ZNF236: variants seen among roughly 807,000 people sequenced by gnomAD.
ZNF236 encodes the protein zinc finger protein 236.
In ZNF236, 50 loss-of-function variants were observed where a neutral mutation model predicts 191.2. That is an observed-to-expected ratio of 0.26 (90% CI 0.21 to 0.33). The LOEUF is 0.33. Among genes scored for constraint, ZNF236 ranks in the 10% least tolerant of loss-of-function variants. ZNF236 has a pLI of 1.00. For missense variants in ZNF236, 1,754 were observed against 2,374.5 expected, an observed-to-expected ratio of 0.74 and a Z score of 5.43; for synonymous variants, 907 against 928.8, an observed-to-expected ratio of 0.98 and a Z score of 0.43.
At chr18:76,943,644 T>G (rs1968192925) in intron 26 of ZNF236, among the ~76,000 whole-genome samples, 1 of 152,230 alleles carries the variant, frequency 6.6e-6, no homozygotes, top group South Asian at 2.1e-4. Context: ...AATTTGACTG[T>G]GGAGTGACCC....
chr18:76,956,836 G>A (rs1019125436), intron 28 of ZNF236, among the ~76,000 whole-genome samples: 3 of 152,206 alleles, frequency 2.0e-5, no homozygotes, highest in Non-Finnish European at 4.4e-5. Context: ...AGGGAATGGG[G>A]TGTGGAAGGG....
At chr18:76,912,550 C>T (rs1415704586) in intron 17 of ZNF236, among the ~76,000 whole-genome samples, 3 of 152,134 alleles carry the variant, frequency 2.0e-5, no homozygotes, top group Non-Finnish European at 2.9e-5. Context: ...GATAAGTGAG[C>T]GGGCCAGGAT....
chr18:76,930,696 T>C (rs958690568), intron 25 of ZNF236, among the ~76,000 whole-genome samples: 3 of 151,830 alleles, frequency 2.0e-5, no homozygotes, highest in Non-Finnish European at 2.9e-5. Flanking sequence ...GGAGGGGAGG[T>C]TCTGTTATCG....
Position 76,826,737 on chromosome 18 carries a change from TTGCAGTGA to T in ZNF236, c.55+4076_55+4083del, listed in dbSNP as rs572221429. Among the ~76,000 whole-genome samples, 25 of 147,276 alleles carry T rather than the reference TTGCAGTGA, an allele frequency of 1.7e-4. No homozygotes were observed. The South Asian group carries it at 5.4e-3, about 32-fold the overall frequency. On this transcript the variant is annotated intron_variant, in intron 1 of 30. Transcript: ENST00000320610. Reference sequence around the variant, plus strand: ...ATCGCTTGAGCCCAGGAGGTAGAGGTTGCAGTGAGCTGAGGTCGCGCCACTGCACTCCA... The same window carrying T: ...ATCGCTTGAGCCCAGGAGGTAGAGGTGCTGAGGTCGCGCCACTGCACTCCA...
At chr18:76,869,543 G>A (rs1976522218) in intron 4 of ZNF236, among the ~76,000 whole-genome samples, 1 of 152,090 alleles carries the variant, frequency 6.6e-6, no homozygotes, top group Non-Finnish European at 1.5e-5. Context: ...TATTTTTACT[G>A]ATGTTTCTGT....
intron 26 of ZNF236, among the ~76,000 whole-genome samples, chr18:76,939,441 C>G (rs182806190): frequency 6.8e-4 from 103 of 152,298 alleles, no homozygotes; most frequent in African/African-American, 2.4e-3. Flanking sequence ...CCAGCCAGGT[C>G]TCCTTTCCTA....
At chr18:76,887,828 A>C (rs1284567312) in intron 9 of ZNF236, 1 of 152,222 alleles carries the variant, frequency 6.6e-6, no homozygotes, top group East Asian at 1.9e-4. Context: ...ACCTCCCACC[A>C]GGTCCCTCCC....
intron 3 of ZNF236, among the ~76,000 whole-genome samples, chr18:76,854,930 A>T (rs1976000940): frequency 6.6e-6 from 1 of 152,088 alleles, no homozygotes; most frequent in South Asian, 2.1e-4. Flanking sequence ...TTATATTTTT[A>T]TTTATTTTTG....
At chr18:76,936,315 C>CG (rs1733863516) in intron 25 of ZNF236, 1 of 456,334 alleles carries the variant, frequency 2.2e-6, no homozygotes, top group African/African-American at 2.0e-5. Context: ...AGTGAGTGTG[C>CG]GTGTGTGTGC....
At chr18:76,841,701 T>C (rs149393207) in intron 1 of ZNF236, among the ~76,000 whole-genome samples, 1 of 150,896 alleles carries the variant, frequency 6.6e-6, no homozygotes, top group Non-Finnish European at 1.5e-5. Context: ...TTTCTTTTTT[T>C]TTTTTTTCTG....
At chr18:76,901,049 T>C (rs1045879075) in intron 11 of ZNF236, among the ~76,000 whole-genome samples, 1 of 152,224 alleles carries the variant, frequency 6.6e-6, no homozygotes, top group Non-Finnish European at 1.5e-5. Context: ...GGAGCTCAGA[T>C]GGTAAAGCTT....
intron 1 of ZNF236, among the ~76,000 whole-genome samples, chr18:76,826,482 CCATTT>C (rs1276082237): frequency 7.3e-5 from 11 of 151,696 alleles, no homozygotes; most frequent in African/African-American, 2.7e-4. Context: ...AACTGGATCT[CCATTT>C]GTGTCCAAAG....
chr18:76,951,497 A>G (rs1302223489), intron 27 of ZNF236, among the ~76,000 whole-genome samples: 2 of 152,148 alleles, frequency 1.3e-5, no homozygotes, highest in Non-Finnish European at 2.9e-5. Context: ...TTTCTTCTGC[A>G]GCTCCCTCAC....
At chr18:76,861,911 C>G (rs1976243462) in intron 3 of ZNF236, among the ~76,000 whole-genome samples, 1 of 152,184 alleles carries the variant, frequency 6.6e-6, no homozygotes, top group African/African-American at 2.4e-5. Flanking sequence ...GTCGCCCGGG[C>G]TGGAGTGCAG....
At chr18:76,890,556 A>G (rs1247228171) in intron 9 of ZNF236, among the ~76,000 whole-genome samples, 7 of 152,228 alleles carry the variant, frequency 4.6e-5, no homozygotes, top group African/African-American at 1.7e-4. Context: ...AGGAGCAATT[A>G]TTGGAGCACC....
At position 76,880,488 on chromosome 18, in the gene ZNF236, C is replaced by T. The variant is rs1976860313; in HGVS notation, c.1188+172C>T. Among the ~76,000 whole-genome samples the T allele has an allele frequency of 1.3e-5, 2 of 151,768 alleles. No homozygotes were observed. Among genetic ancestry groups the T allele is most frequent in the Admixed American group, 6.6e-5 (1 of 15,226 alleles). On this transcript the variant is annotated intron_variant, in intron 8 of 30. Transcript: ENST00000320610. The surrounding 1 kb of genome is among the most constrained non-coding windows in gnomAD (Gnocchi z 5.0). ...CCTACTTAATTGCTTATGGACGGCGCAACATTCAAATGATTTATTCATCTA... is the reference window on the plus strand; with the variant it reads ...CCTACTTAATTGCTTATGGACGGCGTAACATTCAAATGATTTATTCATCTA...
At chr18:76,959,591 C>T in intron 28 of ZNF236, 96 bp from the exon 29 acceptor site, 1 of 1,412,534 alleles carries the variant, frequency 7.1e-7, no homozygotes, top group Admixed American at 2.4e-5. Flanking sequence ...TTGTCCTTGC[C>T]ACTGACTTGA....
chr18:76,881,200 C>A, intron 8 of ZNF236, 84 bp from the exon 9 acceptor site: 2 of 1,176,350 alleles, frequency 1.7e-6, no homozygotes, highest in Admixed American at 2.5e-5. Context: ...AATTAGAATT[C>A]TATAGGTAAA....
At chr18:76,897,582 A>G (rs1158425302) in intron 10 of ZNF236, among the ~76,000 whole-genome samples, 1 of 151,788 alleles carries the variant, frequency 6.6e-6, no homozygotes, top group Admixed American at 6.6e-5. Flanking sequence ...CACAGGTGCC[A>G]CACACAGTAC....
Sources: allele counts gnomAD v4.1 joint callset (sites outside exome capture counted in the v4.1 genomes callset), GRCh38; gene constraint gnomAD v4.1.1; non-coding constraint Gnocchi (gnomAD v3.1); transcripts MANE v1.5; gene names NCBI Gene and HGNC (gene_info 2026-07-23, HGNC 2026-07-21).